Variants in KCNAB1 observed in about 807,000 individuals in gnomAD.
KCNAB1 encodes the protein potassium voltage-gated channel subfamily A regulatory beta subunit 1, also known as voltage-gated potassium channel subunit beta-1.
A neutral mutation model predicts 64.6 loss-of-function variants in KCNAB1; 35 were observed. The observed-to-expected ratio is 0.54, with a 90% CI of 0.41 to 0.72. The LOEUF is 0.72. Ranked by LOEUF, KCNAB1 falls within the 30% of genes least tolerant of loss-of-function variation. The pLI is 0.00. For missense variants in KCNAB1, 401 were observed against 512.9 expected, an observed-to-expected ratio of 0.78 and a Z score of 2.11; for synonymous variants, 177 against 183.8, an observed-to-expected ratio of 0.96 and a Z score of 0.30.
At chr3:156,350,189 A>T (rs186111071) in intron 1 of KCNAB1, among the ~76,000 whole-genome samples, 10 of 152,208 alleles carry the variant, frequency 6.6e-5, no homozygotes, top group Non-Finnish European at 1.5e-4. Flanking sequence ...TTCAGTTCTG[A>T]GCACATGAGT....
chr3:156,421,710 G>A (rs1715475467), intron 2 of KCNAB1, 51 bp downstream of exon 2: 2 of 1,553,740 alleles, frequency 1.3e-6, no homozygotes, highest in African/African-American at 1.4e-5. Flanking sequence ...GGGAGACTGG[G>A]GAGGGCACCA....
intron 2 of KCNAB1, among the ~76,000 whole-genome samples, chr3:156,425,969 G>A (rs950974019): frequency 1.5e-4 from 23 of 152,128 alleles, no homozygotes; most frequent in African/African-American, 3.4e-4. Flanking sequence ...TGCAAGCAAC[G>A]GCGACTCCAG....
intron 10 of KCNAB1, 62 bp from the exon 11 acceptor site, chr3:156,516,208 A>G: frequency 8.5e-7 from 1 of 1,174,220 alleles, no homozygotes; most frequent in Non-Finnish European, 1.3e-6. Context: ...TACTGCCCCC[A>G]CCGCCACCCA....
At chr3:156,368,987 T>C (rs1455617854) in intron 1 of KCNAB1, among the ~76,000 whole-genome samples, 1 of 152,178 alleles carries the variant, frequency 6.6e-6, no homozygotes, top group Admixed American at 6.5e-5. Flanking sequence ...AAGGCACAAA[T>C]CTTCAATGTA....
intron 1 of KCNAB1, among the ~76,000 whole-genome samples, chr3:156,417,212 C>T (rs1455920072): frequency 7.9e-5 from 12 of 151,962 alleles, no homozygotes; most frequent in Admixed American, 7.9e-4. Context: ...ATGTGCATTT[C>T]TTAAAAAAAA....
At chr3:156,330,167 G>T (rs1294122600) in intron 1 of KCNAB1, among the ~76,000 whole-genome samples, 1 of 152,046 alleles carries the variant, frequency 6.6e-6, no homozygotes, top group East Asian at 1.9e-4. Context: ...ACAATGAAAA[G>T]TGAGGAAATT....
At chr3:156,520,629 A>G (rs1202257461) in intron 11 of KCNAB1, among the ~76,000 whole-genome samples, 3 of 152,192 alleles carry the variant, frequency 2.0e-5, no homozygotes, top group Non-Finnish European at 4.4e-5. Context: ...AATAAGAAGC[A>G]TGCACACCTC....
intron 1 of KCNAB1, among the ~76,000 whole-genome samples, chr3:156,364,678 T>A (rs1032017044): frequency 1.1e-4 from 17 of 152,088 alleles, no homozygotes; most frequent in African/African-American, 3.9e-4. Flanking sequence ...CTCGGGAGGC[T>A]GAGGCAGGAG....
chr3:156,267,702 A>G (rs184373991), intron 1 of KCNAB1, among the ~76,000 whole-genome samples: 8 of 152,118 alleles, frequency 5.3e-5, no homozygotes, highest in Non-Finnish European at 1.2e-4. Context: ...ATCTTTGCCC[A>G]GGTTCTTTTC....
At chr3:156,265,482 C>T (rs901616722) in intron 1 of KCNAB1, among the ~76,000 whole-genome samples, 1 of 152,174 alleles carries the variant, frequency 6.6e-6, no homozygotes, top group Admixed American at 6.5e-5. Context: ...AGTGTGGTGA[C>T]TGGTGATCCT....
At chr3:156,143,352 A>T (rs1361556545) in intron 1 of KCNAB1, 1 of 1,612,104 alleles carries the variant, frequency 6.2e-7, no homozygotes, top group Non-Finnish European at 8.5e-7. Context: ...AATATGTGGA[A>T]AAGTTTCTAC....
At chr3:156,383,106 C>A (rs1028016163) in intron 1 of KCNAB1, among the ~76,000 whole-genome samples, 1 of 152,158 alleles carries the variant, frequency 6.6e-6, no homozygotes, top group Non-Finnish European at 1.5e-5. Flanking sequence ...CTTGTCAGGT[C>A]TTTCTGAGAG....
intron 1 of KCNAB1, among the ~76,000 whole-genome samples, chr3:156,308,641 G>A (rs1721675421): frequency 1.3e-5 from 2 of 152,204 alleles, no homozygotes; most frequent in African/African-American, 4.8e-5. Flanking sequence ...ATCCAGCACT[G>A]CCACTTATAC....
intron 1 of KCNAB1, among the ~76,000 whole-genome samples, chr3:156,305,153 C>A (rs952709512): frequency 6.6e-6 from 1 of 151,954 alleles, no homozygotes; most frequent in African/African-American, 2.4e-5. Context: ...CGACCATATA[C>A]CTGAAGTACC....
At chr3:156,119,771 C>T (rs1220132596), upstream of KCNAB1, among the ~76,000 whole-genome samples, 2 of 152,134 alleles carry the variant, frequency 1.3e-5, no homozygotes, top group Non-Finnish European at 2.9e-5. Flanking sequence ...GCATCTTAAC[C>T]ATAGGGCCAT....
intron 1 of KCNAB1, among the ~76,000 whole-genome samples, chr3:156,408,109 G>A (rs1714378520): frequency 6.6e-6 from 1 of 152,110 alleles, no homozygotes; most frequent in Non-Finnish European, 1.5e-5. Flanking sequence ...GGCGCTGGGA[G>A]GGGGTGTGCA....
intron 12 of KCNAB1, 76 bp downstream of exon 12, chr3:156,524,023 C>A: frequency 7.4e-7 from 1 of 1,350,578 alleles, no homozygotes; most frequent in Non-Finnish European, 1.0e-6. Flanking sequence ...TGACCACACC[C>A]TTACCATGAT....
At chr3:156,310,790 C>T (rs992422929) in intron 1 of KCNAB1, among the ~76,000 whole-genome samples, 4 of 152,058 alleles carry the variant, frequency 2.6e-5, no homozygotes, top group African/African-American at 7.2e-5. Flanking sequence ...GGTGACAGAG[C>T]GGGACTCCTC....
At chr3:156,218,412 C>T (rs1715460815) in intron 1 of KCNAB1, among the ~76,000 whole-genome samples, 2 of 152,200 alleles carry the variant, frequency 1.3e-5, no homozygotes, top group Non-Finnish European at 2.9e-5. Context: ...TCTACCTGCC[C>T]TGGCAGCTGA....
Sources: gnomAD v4.1 joint callset for allele counts (sites outside exome capture counted in the v4.1 genomes callset) on GRCh38, gnomAD v4.1.1 for gene constraint, MANE v1.5 for transcripts, NCBI Gene and HGNC (gene_info 2026-07-23, HGNC 2026-07-21) for gene names.